EFNA5: variants seen among roughly 807,000 people sequenced by gnomAD.
The protein encoded by EFNA5 is ephrin A5.
EFNA5 carries 5 observed loss-of-function variants against 22.9 expected under a neutral mutation model. That is an observed-to-expected ratio of 0.22 (90% CI 0.11 to 0.46). The LOEUF (loss-of-function observed/expected upper bound fraction) is 0.46. Among genes scored for constraint, EFNA5 ranks in the 20% least tolerant of loss-of-function variants. EFNA5 has a pLI of 0.99. For missense variants in EFNA5, 237 were observed against 293.3 expected, an observed-to-expected ratio of 0.81 and a Z score of 1.40; for synonymous variants, 113 against 112.2, an observed-to-expected ratio of 1.01 and a Z score of -0.04.
intron 1 of EFNA5, among the ~76,000 whole-genome samples, chr5:107,520,335 A>G (rs1747568629): frequency 6.6e-6 from 1 of 152,218 alleles, no homozygotes; most frequent in Non-Finnish European, 1.5e-5. Flanking sequence ...TCTCAATACA[A>G]TAAAGTCCTC....
intron 1 of EFNA5, among the ~76,000 whole-genome samples, chr5:107,555,776 C>T (rs906579286): frequency 7.9e-5 from 12 of 152,196 alleles, no homozygotes; most frequent in Admixed American, 1.3e-4. Flanking sequence ...TAGCAACTTG[C>T]TGCAAATCTC....
At chr5:107,434,389 G>A (rs960129029) in intron 1 of EFNA5, among the ~76,000 whole-genome samples, 3 of 152,196 alleles carry the variant, frequency 2.0e-5, no homozygotes, top group South Asian at 4.1e-4. Context: ...CACTCAGGCA[G>A]TGCCCTGGGC....
rs1370572402 is a variant in EFNA5, at chr5:107,378,717, G to A, written c.*2538C>T. The A allele has an allele frequency of 6.6e-6, 1 of 152,102 alleles. No individual in the cohort carries two copies. The highest frequency in any genetic ancestry group is 2.4e-5 in the African/African-American group (1 of 41,426). 9.4% of individuals were successfully genotyped at this position (152,102 alleles called of 1,614,324 possible). ...TGAAGTAAAGGGGTCTAATTTCACT[G>A]TGAAAAAATGAAAGACAATGGCAGA... On this transcript the variant is annotated 3_prime_UTR_variant, in exon 5 of 5. Transcript: ENST00000333274.
intron 1 of EFNA5, among the ~76,000 whole-genome samples, chr5:107,586,509 C>G (rs1174515975): frequency 6.6e-6 from 1 of 152,138 alleles, no homozygotes; most frequent in Non-Finnish European, 1.5e-5. Flanking sequence ...CATCTGGACC[C>G]AAGAAAATGG....
At chr5:107,526,230 T>G (rs1182536657) in intron 1 of EFNA5, among the ~76,000 whole-genome samples, 1 of 152,214 alleles carries the variant, frequency 6.6e-6, no homozygotes, top group Non-Finnish European at 1.5e-5. Flanking sequence ...GATTCTGGAT[T>G]TTAGAATGAC....
At chr5:107,620,547 T>C (rs1750012536) in intron 1 of EFNA5, among the ~76,000 whole-genome samples, 1 of 152,216 alleles carries the variant, frequency 6.6e-6, no homozygotes, top group Non-Finnish European at 1.5e-5. Context: ...TGCTTCCTTT[T>C]CAAGAGAGCA....
At chr5:107,434,604 G>A (rs1749058807) in intron 1 of EFNA5, among the ~76,000 whole-genome samples, 1 of 152,244 alleles carries the variant, frequency 6.6e-6, no homozygotes, top group Non-Finnish European at 1.5e-5. Flanking sequence ...GCACAGCAGA[G>A]AACCTGCTTC....
intron 2 of EFNA5, chr5:107,426,938 G>T (rs1748824428): frequency 1.5e-5 from 5 of 330,016 alleles, no homozygotes; most frequent in South Asian, 6.2e-5. Flanking sequence ...CCTGAGCTTT[G>T]GAGAAGTCCT....
At chr5:107,659,290 A>G (rs1335213088) in intron 1 of EFNA5, among the ~76,000 whole-genome samples, 2 of 152,156 alleles carry the variant, frequency 1.3e-5, no homozygotes, top group Non-Finnish European at 2.9e-5. Flanking sequence ...TACAGCTAAG[A>G]GTGCTCACCC....
At chr5:107,576,512 ATCATCAGGAAC>A (rs1237419176) in intron 1 of EFNA5, among the ~76,000 whole-genome samples, 1 of 152,208 alleles carries the variant, frequency 6.6e-6, no homozygotes, top group Non-Finnish European at 1.5e-5. Context: ...AAAAAAATCC[ATCATCAGGAAC>A]TATGCCGACA....
chr5:107,547,695 T>C (rs959288040), intron 1 of EFNA5, among the ~76,000 whole-genome samples: 1 of 99,518 alleles, frequency 1.0e-5, no homozygotes, highest in African/African-American at 4.5e-5. Flanking sequence ...TTGTTATTTT[T>C]AACCATAAAA....
intron 2 of EFNA5, among the ~76,000 whole-genome samples, chr5:107,420,536 A>AG (rs760941873): frequency 1.5e-4 from 16 of 106,234 alleles, no homozygotes; most frequent in African/African-American, 3.0e-4. Context: ...AAAAAAAAAA[A>AG]AAAAGAAAAA....
chr5:107,496,844 C>T (rs938896886), intron 1 of EFNA5, among the ~76,000 whole-genome samples: 1 of 152,216 alleles, frequency 6.6e-6, no homozygotes, highest in African/African-American at 2.4e-5. Context: ...AGGCCATAAT[C>T]TCCCTGAATG....
At chr5:107,591,874 A>AAT (rs1749336672) in intron 1 of EFNA5, among the ~76,000 whole-genome samples, 7 of 40,244 alleles carry the variant, frequency 1.7e-4, no homozygotes, top group African/African-American at 1.2e-3. Flanking sequence ...ATATATATAT[A>AAT]ATATATAATA....
intron 1 of EFNA5, among the ~76,000 whole-genome samples, chr5:107,452,592 G>GAAAAA (rs1241720259): frequency 1.9e-4 from 29 of 151,986 alleles, no homozygotes; most frequent in Non-Finnish European, 2.5e-4. Context: ...CGGGGGTGGT[G>GAAAAA]GTATGTATCT....
At chr5:107,469,318 T>C (rs1031552599) in intron 1 of EFNA5, among the ~76,000 whole-genome samples, 1 of 152,044 alleles carries the variant, frequency 6.6e-6, no homozygotes, top group African/African-American at 2.4e-5. Flanking sequence ...AGAAAATAGA[T>C]CCTCAAATGC....
intron 1 of EFNA5, among the ~76,000 whole-genome samples, chr5:107,637,880 T>C (rs926068651): frequency 6.6e-6 from 1 of 151,732 alleles, no homozygotes; most frequent in African/African-American, 2.4e-5. Flanking sequence ...GGAGTCTCAC[T>C]CTGTCGCCCA....
At chr5:107,643,323 C>A (rs1233284535) in intron 1 of EFNA5, among the ~76,000 whole-genome samples, 2 of 152,144 alleles carry the variant, frequency 1.3e-5, no homozygotes, top group African/African-American at 4.8e-5. Flanking sequence ...CAAATCCAAC[C>A]ATTTACAGGA....
At chr5:107,524,304 G>T (rs890971482) in intron 1 of EFNA5, among the ~76,000 whole-genome samples, 8 of 152,174 alleles carry the variant, frequency 5.3e-5, no homozygotes, top group African/African-American at 1.9e-4. Flanking sequence ...GTCCCAGTAG[G>T]AGCAATGAGG....
Sources: allele counts gnomAD v4.1 joint callset (sites outside exome capture counted in the v4.1 genomes callset), GRCh38; gene constraint gnomAD v4.1.1; transcripts MANE v1.5; gene names NCBI Gene and HGNC (gene_info 2026-07-23, HGNC 2026-07-21).